The following SCN1A variants were observed in gnomAD, a reference collection of about 807,000 sequenced individuals.
SCN1A encodes sodium voltage-gated channel alpha subunit 1.
A neutral mutation model predicts 193.7 loss-of-function variants in SCN1A; 13 were observed. That is an observed-to-expected ratio of 0.07 (90% CI 0.04 to 0.11). SCN1A has a LOEUF of 0.11. Ranked by LOEUF, SCN1A falls within the 10% of genes least tolerant of loss-of-function variation. The pLI, the probability that SCN1A is intolerant of heterozygous loss-of-function variation, is 1.00. For synonymous variants in SCN1A, 781 were observed against 843.6 expected (o/e 0.93, Z 1.29); for missense variants, 1,432 against 2,451.1 (o/e 0.58, Z 8.78).
At chr2:166,115,688 G>A (rs1330344508) in intron 2 of SCN1A, among the ~76,000 whole-genome samples, 1 of 152,124 alleles carries the variant, frequency 6.6e-6, no homozygotes, top group Admixed American at 6.6e-5. Flanking sequence ...AATATTAAAG[G>A]TAACCCTAAA....
intron 19 of SCN1A, among the ~76,000 whole-genome samples, chr2:166,032,202 T>TACACACACACACAC: frequency 1.9e-4 from 15 of 77,238 alleles, no homozygotes; most frequent in East Asian, 1.1e-3. Flanking sequence ...TTGAAAGTCA[T>TACACACACACACAC]ACACACACAC....
Position 166,048,962 on chromosome 2 carries a change from AG to A in SCN1A, c.965-14del. 6.4e-7 allele frequency: 1 copy of A among 1,555,390 alleles called. No homozygotes were observed. Among genetic ancestry groups the A allele is most frequent in the Non-Finnish European group, 8.9e-7 (1 of 1,127,060 alleles). Reference sequence around the variant, plus strand: ...AAATAATGATATCCTGTTTGAAAAAAGAAAGTCGTATGATGAACATTTGCAT... The same window carrying A: ...AAATAATGATATCCTGTTTGAAAAAAAAAGTCGTATGATGAACATTTGCAT... On this transcript the variant is annotated splice_polypyrimidine_tract_variant and intron_variant, in intron 9 of 28. Coordinates refer to ENST00000674923, the MANE Select transcript of SCN1A (RefSeq NM_001165963.4).
intron 24 of SCN1A, among the ~76,000 whole-genome samples, chr2:166,001,444 G>A (rs889281849): frequency 6.6e-6 from 1 of 151,756 alleles, no homozygotes; most frequent in Non-Finnish European, 1.5e-5. Context: ...GCTGCAAAAG[G>A]GTTTTGACCA....
intron 2 of SCN1A, among the ~76,000 whole-genome samples, chr2:166,088,129 T>C (rs112291977): frequency 2.6e-5 from 4 of 152,140 alleles, no homozygotes; most frequent in African/African-American, 9.6e-5. Flanking sequence ...CACTAAACCA[T>C]TTTTAAAATA....
intron 16 of SCN1A, among the ~76,000 whole-genome samples, chr2:166,040,124 T>G (rs895661281): frequency 6.6e-6 from 1 of 152,162 alleles, no homozygotes; most frequent in Middle Eastern, 3.4e-3. Flanking sequence ...TTCACCATGT[T>G]AGGCAGGATG....
intron 26 of SCN1A, among the ~76,000 whole-genome samples, chr2:165,997,106 A>C (rs1315713842): frequency 6.6e-6 from 1 of 151,182 alleles, no homozygotes; most frequent in Non-Finnish European, 1.5e-5. Context: ...AAAATACTTC[A>C]TTGTGGGAAT....
intron 2 of SCN1A, chr2:166,081,511 G>A (rs565163818): frequency 6.6e-6 from 1 of 151,908 alleles, no homozygotes; most frequent in South Asian, 2.1e-4. Context: ...AAACTTCTGT[G>A]AGATAAAAAG....
downstream of SCN1A, chr2:165,985,468 CTT>C (rs1688556324): frequency 6.6e-6 from 1 of 151,578 alleles, no homozygotes. Flanking sequence ...GGAAAAGGGA[CTT>C]AGATATTTTT....
intron 9 of SCN1A, among the ~76,000 whole-genome samples, chr2:166,050,789 A>G (rs150047545): frequency 1.3e-5 from 2 of 150,300 alleles, no homozygotes; most frequent in East Asian, 2.0e-4. Flanking sequence ...AACATTTTCT[A>G]TTACTGTCTC....
chr2:166,126,420 A>C (rs980363425), intron 2 of SCN1A: 3 of 152,206 alleles, frequency 2.0e-5, no homozygotes, highest in Non-Finnish European at 4.4e-5. Context: ...TGCCCCGCGA[A>C]CGTGCAGAAG....
chr2:166,001,061 A>T (rs1690763819), intron 24 of SCN1A, among the ~76,000 whole-genome samples: 1 of 151,782 alleles, frequency 6.6e-6, no homozygotes, highest in African/African-American at 2.4e-5. Flanking sequence ...AAGTATGGTC[A>T]TTAGTTAAGG....
intron 2 of SCN1A, among the ~76,000 whole-genome samples, chr2:166,094,036 G>C (rs1490329437): frequency 7.1e-6 from 1 of 140,770 alleles, no homozygotes; most frequent in Non-Finnish European, 1.5e-5. Flanking sequence ...AATCCTTATC[G>C]GTCAAATCTT....
chr2:166,001,382 C>G lies in SCN1A; in HGVS notation c.4284+1090G>C, dbSNP rs542064005. ...TAAGAAGAGAAATAAGAATTTCCAA[C>G]AAAAAGGTGGGAAGAATTTGTAAAG... is the stretch of plus-strand genomic sequence containing the variant. On this transcript the variant is annotated intron_variant, in intron 24 of 28. Coordinates refer to ENST00000674923, the MANE Select transcript of SCN1A (RefSeq NM_001165963.4). 4.0e-5 allele frequency among the ~76,000 whole-genome samples: 6 copies of G among 151,824 alleles called. No individual in the cohort carries two copies. The South Asian group carries it at 1.2e-3, about 32-fold the overall frequency.
rs770783450 is a variant in SCN1A at position 165,985,915 on chromosome 2, C to T, written c.*5330G>A. The stretch of plus-strand genomic sequence containing the variant: ...CCAGACATATTTGCTGTCTTTAGTG[C>T]GACAAGTTTATATAGTTCGAGTGTC... On this transcript the variant is annotated 3_prime_UTR_variant, in exon 29 of 29. Coordinates refer to ENST00000674923, the MANE Select transcript of SCN1A (RefSeq NM_001165963.4). The T allele has an allele frequency of 1.6e-4, 25 of 152,098 alleles. No homozygotes were observed. Among genetic ancestry groups the T allele is most frequent in the South Asian group, 4.2e-4 (2 of 4,818 alleles). The allele number at this position is 152,098 out of a possible 1,614,324, so 9.4% of individuals were successfully genotyped here. A position where few individuals can be genotyped will look rare whatever the true frequency, so the allele number is the denominator to read the frequency against.
In SCN1A at chr2:165,991,072, T is replaced by G; in HGVS notation, c.*173A>C. ...AAGGTCATCTCCCCTTTACACAGAG[T>G]CACAGTTTGCTGACAAGGGGTCACT... is the stretch of plus-strand genomic sequence containing the variant. On this transcript the variant is annotated 3_prime_UTR_variant, in exon 29 of 29. Coordinates refer to ENST00000674923, the MANE Select transcript of SCN1A (RefSeq NM_001165963.4). 1.6e-6 allele frequency: 1 copy of G among 614,676 alleles called. No homozygotes were observed. Among genetic ancestry groups the G allele is most frequent in the East Asian group, 2.8e-5 (1 of 35,834 alleles). The allele number at this position is 614,676 out of a possible 1,614,324, so 38.1% of individuals were successfully genotyped here.
chr2:166,147,482 C>A (rs1222327040), intron 1 of SCN1A, among the ~76,000 whole-genome samples: 2 of 152,014 alleles, frequency 1.3e-5, no homozygotes, highest in African/African-American at 4.8e-5. Context: ...ATATTAAATG[C>A]AAATCAATTA....
chr2:166,099,099 A>G (rs1201963758), intron 2 of SCN1A, among the ~76,000 whole-genome samples: 1 of 152,170 alleles, frequency 6.6e-6, no homozygotes, highest in East Asian at 1.9e-4. Flanking sequence ...ACACCACCCA[A>G]CTATAATACA....
chr2:166,116,282 C>T (rs577693870), intron 2 of SCN1A, among the ~76,000 whole-genome samples: 108 of 152,274 alleles, frequency 7.1e-4, no homozygotes, highest in Non-Finnish European at 6.9e-4. Flanking sequence ...AAACTTCTTA[C>T]ATTGGTTTAG....
At chr2:165,999,627 G>A in intron 25 of SCN1A, 96 bp downstream of exon 25, 1 of 912,866 alleles carries the variant, frequency 1.1e-6, no homozygotes, top group South Asian at 1.3e-5. Flanking sequence ...TTTAAATCAA[G>A]ATAGAATCAT....
Sources: allele counts gnomAD v4.1 joint callset (sites outside exome capture counted in the v4.1 genomes callset), GRCh38; gene constraint gnomAD v4.1.1; transcripts MANE v1.5; gene names NCBI Gene and HGNC (gene_info 2026-07-23, HGNC 2026-07-21).